MICU1: variants seen among roughly 807,000 people sequenced by gnomAD.
The protein encoded by MICU1 is mitochondrial calcium uptake 1, also known as calcium uptake protein 1, mitochondrial.
Under a neutral mutation model 56.8 loss-of-function variants are expected in MICU1, and 45 were observed. The observed-to-expected ratio is 0.79, with a 90% CI of 0.62 to 1.02. MICU1 has a LOEUF of 1.02. Among genes scored for constraint, MICU1 ranks in the 50% least tolerant of loss-of-function variants. The probability of loss-of-function intolerance (pLI) is 0.00; values close to 1 mark genes in which losing one functional copy is unlikely to be tolerated. For missense variants in MICU1, 504 were observed against 587.1 expected (o/e 0.86, Z 1.46); for synonymous variants, 186 against 195.1 (o/e 0.95, Z 0.39).
intron 9 of MICU1, among the ~76,000 whole-genome samples, chr10:72,421,250 CT>C (rs547514567): frequency 6.4e-4 from 97 of 151,530 alleles, no homozygotes; most frequent in African/African-American, 2.3e-3. Context: ...TTCTTTCTTT[CT>C]TTTTTTCTTT....
At chr10:72,509,266 A>G in intron 5 of MICU1, 1 of 653,992 alleles carries the variant, frequency 1.5e-6, no homozygotes, top group East Asian at 6.7e-5. Flanking sequence ...AGCACAATCA[A>G]AGTAATAATG....
chr10:72,597,032 G>A (rs1841399448), intron 1 of MICU1, among the ~76,000 whole-genome samples: 3 of 152,188 alleles, frequency 2.0e-5, no homozygotes, highest in South Asian at 2.1e-4. Flanking sequence ...ATTGGGGGGC[G>A]AGATGAAGGC....
intron 1 of MICU1, among the ~76,000 whole-genome samples, chr10:72,569,237 A>ATATTTTT: frequency 9.0e-4 from 31 of 34,350 alleles, no homozygotes; most frequent in East Asian, 8.3e-3. Context: ...ATATATATAT[A>ATATTTTT]TTTTTTTTTT....
intron 3 of MICU1, among the ~76,000 whole-genome samples, chr10:72,555,125 AGAGT>A (rs1299215173): frequency 1.3e-5 from 2 of 152,250 alleles, no homozygotes; most frequent in Non-Finnish European, 2.9e-5. Context: ...CTGAATAGTA[AGAGT>A]ATTTCAAAAT....
At chr10:72,447,899 A>G (rs1282958187) in intron 8 of MICU1, among the ~76,000 whole-genome samples, 1 of 152,104 alleles carries the variant, frequency 6.6e-6, no homozygotes, top group Non-Finnish European at 1.5e-5. Flanking sequence ...ATTTCTGCCT[A>G]CACTAAAAAC....
intron 8 of MICU1, among the ~76,000 whole-genome samples, chr10:72,465,160 C>T (rs1429441713): frequency 6.6e-6 from 1 of 152,102 alleles, no homozygotes; most frequent in Non-Finnish European, 1.5e-5. Context: ...ACCACTACGC[C>T]TGGCTAATTT....
At chr10:72,569,227 A>ATTT (rs1457174727) in intron 1 of MICU1, among the ~76,000 whole-genome samples, 48 of 40,574 alleles carry the variant, frequency 1.2e-3, no homozygotes, top group African/African-American at 4.4e-3. Context: ...ATATATATAT[A>ATTT]TATATATATA....
At chr10:72,553,431 C>T (rs899627981) in intron 3 of MICU1, among the ~76,000 whole-genome samples, 9 of 152,070 alleles carry the variant, frequency 5.9e-5, no homozygotes, top group African/African-American at 1.9e-4. Flanking sequence ...GGTGGGGTTT[C>T]ACCGTGTTAG....
intron 1 of MICU1, among the ~76,000 whole-genome samples, chr10:72,590,211 A>G (rs972789120): frequency 3.9e-5 from 6 of 152,218 alleles, no homozygotes; most frequent in Admixed American, 6.5e-5. Context: ...AAAGATGGAA[A>G]AAGATATTCC....
At chr10:72,562,610 T>G (rs931909970) in intron 3 of MICU1, 32 of 244,458 alleles carry the variant, frequency 1.3e-4, no homozygotes, top group African/African-American at 5.3e-4. Context: ...TGATAACATT[T>G]AGCATCAGGA....
intron 7 of MICU1, among the ~76,000 whole-genome samples, chr10:72,476,803 T>C (rs1016881709): frequency 1.3e-5 from 2 of 152,156 alleles, no homozygotes; most frequent in Non-Finnish European, 2.9e-5. Context: ...CCTTCTCTTA[T>C]AGAAATCCTT....
In MICU1 at chr10:72,507,104, T is replaced by C. The variant is rs553874251; in HGVS notation, c.652+1051A>G. On this transcript the variant is annotated intron_variant, in intron 6 of 11. Transcript: ENST00000361114. ...CTTCTAGTAGCTTTATGTTTACAGA[T>C]GGCTGGCTTGGAGAAGGTGAAAAAG... Among the ~76,000 whole-genome samples, 5 of 152,048 alleles carry C rather than the reference T, an allele frequency of 3.3e-5. No homozygotes were observed. The South Asian group carries it at 8.3e-4, about 25-fold the overall frequency.
chr10:72,450,625 A>C (rs1865265609), intron 8 of MICU1, among the ~76,000 whole-genome samples: 1 of 152,038 alleles, frequency 6.6e-6, no homozygotes, highest in Non-Finnish European at 1.5e-5. Flanking sequence ...ACAAAGTCAG[A>C]TCATGCTTTG....
chr10:72,457,391 T>C (rs952900886), intron 8 of MICU1, among the ~76,000 whole-genome samples: 3 of 151,498 alleles, frequency 2.0e-5, no homozygotes, highest in African/African-American at 7.3e-5. Flanking sequence ...CCCATTTTTT[T>C]TTTTTTTGGT....
intron 6 of MICU1, among the ~76,000 whole-genome samples, chr10:72,505,067 G>A (rs776921214): frequency 4.6e-5 from 7 of 151,180 alleles, no homozygotes; most frequent in African/African-American, 1.7e-4. Flanking sequence ...TCCACCTCCC[G>A]GGTTCAAGTG....
At chr10:72,390,576 A>C (rs1321422395) in intron 10 of MICU1, among the ~76,000 whole-genome samples, 1 of 152,182 alleles carries the variant, frequency 6.6e-6, no homozygotes. Flanking sequence ...TTCTGTGCTA[A>C]ATTATGCCTA....
chr10:72,596,655 T>C (rs1165435815), intron 1 of MICU1, among the ~76,000 whole-genome samples: 1 of 151,790 alleles, frequency 6.6e-6, no homozygotes, highest in Non-Finnish European at 1.5e-5. Flanking sequence ...GTGGACCAAC[T>C]TGAGGTCAGG....
At chr10:72,569,605 G>C (rs1840556632) in intron 1 of MICU1, among the ~76,000 whole-genome samples, 2 of 152,086 alleles carry the variant, frequency 1.3e-5, no homozygotes, top group African/African-American at 4.8e-5. Context: ...AAAAGATAAA[G>C]TTGAGACTGG....
At chr10:72,382,101 C>T (rs112525837) in intron 10 of MICU1, among the ~76,000 whole-genome samples, 149 of 151,392 alleles carry the variant, frequency 9.8e-4, no homozygotes, top group African/African-American at 3.0e-3. Flanking sequence ...GTACGAGTTA[C>T]ATTTTGGATC....
Sources: gnomAD v4.1 joint callset for allele counts (sites outside exome capture counted in the v4.1 genomes callset) on GRCh38, gnomAD v4.1.1 for gene constraint, MANE v1.5 for transcripts, NCBI Gene and HGNC (gene_info 2026-07-23, HGNC 2026-07-21) for gene names.